CDH18: variants seen among roughly 807,000 people sequenced by gnomAD.
CDH18 encodes cadherin-18.
CDH18 carries 31 observed loss-of-function variants against 67.9 expected under a neutral mutation model. That is an observed-to-expected ratio of 0.46 (90% CI 0.34 to 0.62). The LOEUF is 0.62. Ranked by LOEUF, CDH18 falls within the 20% of genes least tolerant of loss-of-function variation. The probability of loss-of-function intolerance (pLI) is 0.01; values close to 1 mark genes in which losing one functional copy is unlikely to be tolerated. For missense variants in CDH18, 890 were observed against 975.5 expected (o/e 0.91, Z 1.17); for synonymous variants, 362 against 347.2 (o/e 1.04, Z -0.48).
chr5:20,419,171 G>T (rs1747608289), intron 1 of CDH18, among the ~76,000 whole-genome samples: 1 of 151,996 alleles, frequency 6.6e-6, no homozygotes, highest in African/African-American at 2.4e-5. Flanking sequence ...AGGGGTTTCC[G>T]CTTTTGCTTC....
chr5:19,931,496 C>G (rs1265987011), intron 2 of CDH18, among the ~76,000 whole-genome samples: 1 of 151,796 alleles, frequency 6.6e-6, no homozygotes, highest in Non-Finnish European at 1.5e-5. Flanking sequence ...GCTGTTACTA[C>G]CTAATAAAAA....
chr5:19,946,021 AG>A (rs1265859591), intron 2 of CDH18, among the ~76,000 whole-genome samples: 1 of 152,102 alleles, frequency 6.6e-6, no homozygotes, highest in Non-Finnish European at 1.5e-5. Context: ...AAGCTCACAC[AG>A]GATAAAACCA....
In CDH18 at chr5:19,852,310, T is replaced by C. The variant is rs116038806; in HGVS notation, c.-256-13068A>G. Among the ~76,000 whole-genome samples the C allele has an allele frequency of 7.4e-3, 1,123 of 152,160 alleles. 15 individuals carry two copies. Among genetic ancestry groups the C allele is most frequent in the Middle Eastern group, 0.02 (6 of 294 alleles). ...AGAGCATAATGACAACTGCTCAGTA[T>C]GAATAACTAAATTGTTACATGAGAT... On this transcript the variant is annotated intron_variant, in intron 2 of 12. Transcript: ENST00000382275.
chr5:20,227,063 T>C (rs1250092938), intron 2 of CDH18, among the ~76,000 whole-genome samples: 1 of 152,126 alleles, frequency 6.6e-6, no homozygotes, highest in African/African-American at 2.4e-5. Context: ...CCTCTTTTTT[T>C]GCCCAAATCA....
chr5:19,904,336 AAGGG>A (rs909368303), intron 2 of CDH18, among the ~76,000 whole-genome samples: 24 of 125,482 alleles, frequency 1.9e-4, no homozygotes, highest in South Asian at 6.0e-4. Context: ...AAAGAGAGAG[AAGGG>A]AGGGAGGGAG....
chr5:20,020,259 T>G (rs1197690954), intron 2 of CDH18, among the ~76,000 whole-genome samples: 1 of 152,154 alleles, frequency 6.6e-6, no homozygotes, highest in Admixed American at 6.5e-5. Flanking sequence ...TTCAGAAAAT[T>G]TGCAGCCTGA....
intron 8 of CDH18, among the ~76,000 whole-genome samples, chr5:19,570,525 T>C (rs553395570): frequency 6.6e-6 from 1 of 152,280 alleles, no homozygotes; most frequent in South Asian, 2.1e-4. Flanking sequence ...ATCCCACAGA[T>C]ACTGAGGAGA....
At chr5:20,429,715 T>A (rs1748590983) in intron 1 of CDH18, among the ~76,000 whole-genome samples, 2 of 152,178 alleles carry the variant, frequency 1.3e-5, no homozygotes, top group African/African-American at 4.8e-5. Flanking sequence ...AGGCTTAACA[T>A]ATGTGTTATT....
chr5:19,618,538 T>C (rs1750198034), intron 5 of CDH18, among the ~76,000 whole-genome samples: 1 of 152,062 alleles, frequency 6.6e-6, no homozygotes, highest in Non-Finnish European at 1.5e-5. Flanking sequence ...TTTGTTCAGT[T>C]TTTCATTTAT....
intron 4 of CDH18, among the ~76,000 whole-genome samples, chr5:19,735,731 T>C (rs893948001): frequency 2.6e-5 from 4 of 152,168 alleles, no homozygotes; most frequent in Non-Finnish European, 5.9e-5. Flanking sequence ...GTCACACCTA[T>C]ACTTCGTAAG....
At chr5:20,104,755 T>G (rs2150582064) in intron 2 of CDH18, among the ~76,000 whole-genome samples, 1 of 152,180 alleles carries the variant, frequency 6.6e-6, no homozygotes, top group Non-Finnish European at 1.5e-5. Flanking sequence ...TTGGAGATCT[T>G]TATTCTAATG....
intron 2 of CDH18, among the ~76,000 whole-genome samples, chr5:20,151,208 A>T (rs1028966636): frequency 5.3e-5 from 8 of 151,936 alleles, no homozygotes; most frequent in African/African-American, 1.9e-4. Context: ...CTCAATGTTT[A>T]GCTTCCACTT....
At chr5:20,381,020 A>G (rs1486075868) in intron 1 of CDH18, among the ~76,000 whole-genome samples, 2 of 152,150 alleles carry the variant, frequency 1.3e-5, no homozygotes, top group Non-Finnish European at 2.9e-5. Flanking sequence ...TCTTAGGGTG[A>G]TCCCTAATCC....
chr5:20,277,282 C>A (rs1024266486), intron 1 of CDH18, among the ~76,000 whole-genome samples: 17 of 152,142 alleles, frequency 1.1e-4, no homozygotes, highest in African/African-American at 4.1e-4. Flanking sequence ...CAACCCTCCC[C>A]CAACTCAAGG....
chr5:20,110,481 G>C (rs559104835), intron 2 of CDH18, among the ~76,000 whole-genome samples: 1 of 152,204 alleles, frequency 6.6e-6, no homozygotes, highest in Admixed American at 6.5e-5. Flanking sequence ...TCAGGAGTTT[G>C]AGACCAGCCT....
chr5:20,180,968 T>C (rs1282033754), intron 2 of CDH18, among the ~76,000 whole-genome samples: 1 of 152,170 alleles, frequency 6.6e-6, no homozygotes, highest in East Asian at 1.9e-4. Flanking sequence ...CTCTCTTCTG[T>C]TTCCTTCACT....
chr5:20,314,949 A>G lies in CDH18; in HGVS notation c.-579-59444T>C, dbSNP rs185392279. On this transcript the variant is annotated intron_variant, in intron 1 of 14. Transcript: ENST00000507958. ...CCCTTCACAATCAAATGTGAAGTAT[A>G]GAACAATTATTTACCTAAAATAGTA... Among the ~76,000 whole-genome samples the G allele has an allele frequency of 3.3e-4, 50 of 152,254 alleles. No homozygotes were observed. The South Asian group carries it at 9.3e-3, about 28-fold the overall frequency.
chr5:20,552,140 C>A (rs1209640909), intron 1 of CDH18, among the ~76,000 whole-genome samples: 1 of 151,644 alleles, frequency 6.6e-6, no homozygotes, highest in Admixed American at 6.6e-5. Context: ...TACAAATACA[C>A]AGACCTCAGA....
chr5:20,033,354 A>G (rs987872082), intron 2 of CDH18, among the ~76,000 whole-genome samples: 1 of 152,044 alleles, frequency 6.6e-6, no homozygotes, highest in Non-Finnish European at 1.5e-5. Flanking sequence ...CCCTTATCAA[A>G]CAGCCTAGAG....
Sources: gnomAD v4.1 joint callset for allele counts (sites outside exome capture counted in the v4.1 genomes callset) on GRCh38, gnomAD v4.1.1 for gene constraint, MANE v1.5 for transcripts, NCBI Gene and HGNC (gene_info 2026-07-23, HGNC 2026-07-21) for gene names.